CRYBB2: variants seen among roughly 807,000 people sequenced by gnomAD.
CRYBB2 encodes the protein crystallin beta B2.
A neutral mutation model predicts 24.3 loss-of-function variants in CRYBB2; 12 were observed. The observed-to-expected ratio is 0.49, with a 90% CI of 0.32 to 0.80. The LOEUF is 0.80. CRYBB2 is among the 30% of genes least tolerant of loss of function. CRYBB2 has a pLI of 0.04. For synonymous variants in CRYBB2, 98 were observed against 101.6 expected, an observed-to-expected ratio of 0.96 and a Z score of 0.21; for missense variants, 198 against 268.5, an observed-to-expected ratio of 0.74 and a Z score of 1.83.
At chr22:25,213,279 A>T (rs1267129916) in intron 1 of CRYBB2, 2 of 152,168 alleles carry the variant, frequency 1.3e-5, no homozygotes, top group Non-Finnish European at 2.9e-5. Flanking sequence ...TTTGTATCTA[A>T]AAGTTAAATA....
At chr22:25,227,059 G>A (rs915150522) in intron 3 of CRYBB2, among the ~76,000 whole-genome samples, 1 of 152,098 alleles carries the variant, frequency 6.6e-6, no homozygotes, top group African/African-American at 2.4e-5. Context: ...CAATAAACAC[G>A]ACCTCCTCTT....
upstream of CRYBB2, chr22:25,219,514 C>T (rs1406965850): frequency 2.6e-5 from 4 of 152,264 alleles, no homozygotes; most frequent in South Asian, 4.1e-4. Flanking sequence ...TTTGCTGACC[C>T]GAGCTTTGGT....
At chr22:25,218,762 AGAGAGAGAGAGAGAGAG>A (rs1935242609), upstream of CRYBB2, among the ~76,000 whole-genome samples, 1 of 43,238 alleles carries the variant, frequency 2.3e-5, no homozygotes, top group African/African-American at 1.4e-4. Context: ...AGAGAGAGAG[AGAGAGAGAGAGAGAGAG>A]AAGAAAGAAA....
chr22:25,227,195 C>T (rs1255879739), intron 3 of CRYBB2, among the ~76,000 whole-genome samples: 1 of 152,220 alleles, frequency 6.6e-6, no homozygotes, highest in Non-Finnish European at 1.5e-5. Context: ...CTTCTATTTT[C>T]TGCTTTCCTC....
rs571564906 is a variant in CRYBB2, at chr22:25,229,396, C to G, written c.307-40C>G. 2.6e-6 allele frequency: 4 copies of G among 1,566,398 alleles called. No individual in the cohort carries two copies. In the Admixed American group the frequency reaches 7.5e-5, roughly 29 times the overall value. On this transcript the variant is annotated intron_variant, in intron 4 of 5. Coordinates refer to ENST00000398215, the MANE Select transcript of CRYBB2 (RefSeq NM_000496.3). The stretch of plus-strand genomic sequence containing the variant: ...GGGGTGGGAAGGCCAACCCTGGGCC[C>G]CCTCACCCATACTCACTTCCCCCCA...
At chr22:25,215,166 C>T (rs2146081256), upstream of CRYBB2, among the ~76,000 whole-genome samples, 1 of 152,356 alleles carries the variant, frequency 6.6e-6, no homozygotes, top group African/African-American at 2.4e-5. Context: ...CTCTGCAGCA[C>T]TGTGACATGT....
At chr22:25,228,736 T>C (rs1935468482) in intron 4 of CRYBB2, among the ~76,000 whole-genome samples, 1 of 152,240 alleles carries the variant, frequency 6.6e-6, no homozygotes, top group African/African-American at 2.4e-5. Flanking sequence ...GCTTTCCTCA[T>C]CTGCTAAATG....
At chr22:25,219,104 C>T (rs1335788989), upstream of CRYBB2, among the ~76,000 whole-genome samples, 1 of 152,148 alleles carries the variant, frequency 6.6e-6, no homozygotes, top group Non-Finnish European at 1.5e-5. Context: ...TTCCTCTTCT[C>T]CATCCCTGAG....
chr22:25,214,117 T>C (rs549912552), intron 1 of CRYBB2, among the ~76,000 whole-genome samples: 59 of 152,220 alleles, frequency 3.9e-4, no homozygotes, highest in African/African-American at 1.3e-3. Flanking sequence ...GGCAGAAAAA[T>C]TGCTTGAGGC....
chr22:25,222,538 A>G lies in CRYBB2; in HGVS notation c.54+1055A>G, dbSNP rs377472235. Among the ~76,000 whole-genome samples the G allele has an allele frequency of 9.9e-5, 15 of 152,136 alleles. 1 individual carries two copies. Among genetic ancestry groups the G allele is most frequent in the East Asian group, 9.7e-4 (5 of 5,178 alleles). ...AGGACTGTTTGAACCCAAAAGTTTG[A>G]GCCCAGCCTGGGCAACATAGTGAGA... On this transcript the variant is annotated intron_variant, in intron 2 of 5. Coordinates refer to ENST00000398215, the MANE Select transcript of CRYBB2 (RefSeq NM_000496.3).
upstream of CRYBB2, among the ~76,000 whole-genome samples, chr22:25,215,259 A>G (rs1935154381): frequency 6.6e-6 from 1 of 152,258 alleles, no homozygotes; most frequent in South Asian, 2.1e-4. Context: ...CCCATGGTGG[A>G]AAATCACTTA....
At chr22:25,229,007 C>T (rs1310716753) in intron 4 of CRYBB2, among the ~76,000 whole-genome samples, 1 of 142,730 alleles carries the variant, frequency 7.0e-6, no homozygotes, top group African/African-American at 2.7e-5. Flanking sequence ...CGTGTGTGTG[C>T]AAGTGTGGGT....
At chr22:25,224,877 C>A in intron 2 of CRYBB2, 41 bp from the exon 3 acceptor site, 1 of 1,125,960 alleles carries the variant, frequency 8.9e-7, no homozygotes, top group Non-Finnish European at 1.4e-6. Flanking sequence ...TCTCACTCCT[C>A]TTCATCGTGA....
At position 25,221,387 on chromosome 22, in the gene CRYBB2, C is replaced by T. The variant is rs774931191; in HGVS notation, c.-26-17C>T. On this transcript the variant is annotated splice_polypyrimidine_tract_variant and intron_variant, in intron 1 of 5. Coordinates refer to ENST00000398215, the MANE Select transcript of CRYBB2 (RefSeq NM_000496.3). ...TGGCCCCTCCAGGTCCTCACTGCTG[C>T]TTCCCATGTCTTCCAGGTCATTCCT... The T allele has an allele frequency of 4.1e-5, 65 of 1,568,462 alleles. No individual in the cohort carries two copies. Among genetic ancestry groups the T allele is most frequent in the Non-Finnish European group, 5.4e-5 (61 of 1,138,578 alleles).
chr22:25,221,334 T>C, intron 1 of CRYBB2, 70 bp from the exon 2 acceptor site: 2 of 939,270 alleles, frequency 2.1e-6, no homozygotes, highest in Admixed American at 3.4e-5. Context: ...GGGAGTGGTC[T>C]CAAGGCCCCA....
upstream of CRYBB2, among the ~76,000 whole-genome samples, chr22:25,218,055 C>G (rs556366394): frequency 2.0e-4 from 30 of 150,952 alleles, no homozygotes; most frequent in East Asian, 1.4e-3. Flanking sequence ...GTCAGGAGAT[C>G]GAGACCATCC....
intron 5 of CRYBB2, among the ~76,000 whole-genome samples, chr22:25,230,687 T>TTCAC (rs1935516141): frequency 1.4e-5 from 2 of 146,860 alleles, no homozygotes; most frequent in East Asian, 4.0e-4. Context: ...CATTCCCTCA[T>TTCAC]TCATTCATTC....
In CRYBB2 at chr22:25,224,883, CGT is replaced by C; in HGVS notation, c.55-33_55-32del. 4.3e-6 allele frequency: 5 copies of C among 1,159,664 alleles called. No homozygotes were observed. In the South Asian group the frequency reaches 6.1e-5, roughly 14 times the overall value. The allele number at this position is 1,159,664 out of a possible 1,614,324, so 71.8% of individuals were successfully genotyped here. A position where few individuals can be genotyped will look rare whatever the true frequency, so the allele number is the denominator to read the frequency against. Reference sequence around the variant, plus strand: ...CCACCCAGTTCTCACTCCTCTTCATCGTGATGAGGGTCTGAGTCTCGCTTCCT... The same window carrying C: ...CCACCCAGTTCTCACTCCTCTTCATCGATGAGGGTCTGAGTCTCGCTTCCT... On this transcript the variant is annotated intron_variant, in intron 2 of 5. Coordinates refer to ENST00000398215, the MANE Select transcript of CRYBB2 (RefSeq NM_000496.3).
chr22:25,216,241 T>C (rs909975486), upstream of CRYBB2, among the ~76,000 whole-genome samples: 2 of 152,230 alleles, frequency 1.3e-5, no homozygotes, highest in African/African-American at 4.8e-5. Flanking sequence ...TACCTCAGAA[T>C]GTGACCTTCT....
Sources: allele counts gnomAD v4.1 joint callset (sites outside exome capture counted in the v4.1 genomes callset), GRCh38; gene constraint gnomAD v4.1.1; transcripts MANE v1.5; gene names NCBI Gene and HGNC (gene_info 2026-07-23, HGNC 2026-07-21).